Variants in NOPCHAP1 observed in about 807,000 individuals in gnomAD.
NOPCHAP1 encodes DNA damage-sensitive RNA 1.
A neutral mutation model predicts 14.0 loss-of-function variants in NOPCHAP1; 13 were observed. That is an observed-to-expected ratio of 0.93 (90% confidence interval 0.60 to 1.47). NOPCHAP1 has a LOEUF of 1.47. NOPCHAP1 is among the 40% of genes most tolerant of loss of function. The probability of loss-of-function intolerance (pLI) is 0.00; values close to 1 mark genes in which losing one functional copy is unlikely to be tolerated. For missense variants in NOPCHAP1, 230 were observed against 226.9 expected, an observed-to-expected ratio of 1.01 and a Z score of -0.09; for synonymous variants, 78 against 78.4, an observed-to-expected ratio of 1.00 and a Z score of 0.03.
In NOPCHAP1 at chr12:105,012,632, C is replaced by T. The variant is rs1368017550; in HGVS notation, c.*17936C>T. The T allele has an allele frequency of 6.6e-6, 1 of 152,198 alleles. No individual in the cohort carries two copies. The highest frequency in any genetic ancestry group is 2.4e-5 in the African/African-American group (1 of 41,428). 9.4% of individuals were successfully genotyped at this position (152,198 alleles called of 1,614,324 possible). On this transcript the variant is annotated 3_prime_UTR_variant, in exon 4 of 4. Coordinates refer to ENST00000552951, the MANE Select transcript of NOPCHAP1 (RefSeq NM_152318.3). The stretch of plus-strand genomic sequence containing the variant: ...TTCCTCATCTTCCTGGATTTACCTA[C>T]CTTTGCTCTTTTATGTTGGTAACCT...
chr12:104,994,056 T>C (rs1422563378), intron 3 of NOPCHAP1, among the ~76,000 whole-genome samples: 2 of 152,212 alleles, frequency 1.3e-5, no homozygotes, highest in East Asian at 3.8e-4. Flanking sequence ...ACATTTCTTA[T>C]CCTTGTGGCC....
rs1480476275 is a variant in NOPCHAP1 at position 104,997,916 on chromosome 12, TA to T, written c.*3223del. The T allele has an allele frequency of 1.3e-5, 2 of 152,224 alleles. No individual in the cohort carries two copies. The highest frequency in any genetic ancestry group is 2.9e-5 in the Non-Finnish European group (2 of 68,040). The allele number at this position is 152,224 out of a possible 1,614,324, so 9.4% of individuals were successfully genotyped here. A position where few individuals can be genotyped will look rare whatever the true frequency, so the allele number is the denominator to read the frequency against. ...ATTCTTTATTGTTTTTTTTCTCCAA[TA>T]AAGAAAAAGATGTTTCAGAGAGCCA... is the stretch of plus-strand genomic sequence containing the variant. On this transcript the variant is annotated 3_prime_UTR_variant, in exon 4 of 4. Coordinates refer to ENST00000552951, the MANE Select transcript of NOPCHAP1 (RefSeq NM_152318.3).
chr12:104,988,338 A>C (rs1873292572), intron 2 of NOPCHAP1, 85 bp downstream of exon 2: 1 of 1,089,956 alleles, frequency 9.2e-7, no homozygotes, highest in Non-Finnish European at 1.4e-6. Context: ...CTTCATTGTC[A>C]GGTATCAAAC....
intron 3 of NOPCHAP1, 128 bp from the exon 4 acceptor site, chr12:104,994,350 A>T: frequency 1.0e-6 from 1 of 957,610 alleles, no homozygotes; most frequent in Non-Finnish European, 1.6e-6. Context: ...CTGTCTCCAA[A>T]AAAAACCAAA....
intron 1 of NOPCHAP1, among the ~76,000 whole-genome samples, chr12:104,987,196 G>C (rs1356880903): frequency 6.6e-6 from 1 of 152,188 alleles, no homozygotes; most frequent in Non-Finnish European, 1.5e-5. Flanking sequence ...CAGAGATTCC[G>C]AAGGAAGTAT....
intron 1 of NOPCHAP1, among the ~76,000 whole-genome samples, chr12:104,987,112 G>C (rs1873257444): frequency 6.6e-6 from 1 of 151,068 alleles, no homozygotes; most frequent in Non-Finnish European, 1.5e-5. Flanking sequence ...ATTTTTGTGA[G>C]GAGGAGAATG....
intron 2 of NOPCHAP1, 58 bp downstream of exon 2, chr12:104,988,311 T>A: frequency 4.4e-6 from 6 of 1,355,498 alleles, no homozygotes; most frequent in Non-Finnish European, 6.2e-6. Flanking sequence ...CTGATTAAGC[T>A]GTGGGACGGT....
In NOPCHAP1 at chr12:105,016,145, G is replaced by A. The variant is rs1005950398; in HGVS notation, c.*21449G>A. The A allele has an allele frequency of 6.6e-6, 1 of 152,032 alleles. No individual in the cohort carries two copies. Among genetic ancestry groups the A allele is most frequent in the Admixed American group, 6.5e-5 (1 of 15,268 alleles). The allele number at this position is 152,032 out of a possible 1,614,324, so 9.4% of individuals were successfully genotyped here. On this transcript the variant is annotated 3_prime_UTR_variant, in exon 4 of 4. Coordinates refer to ENST00000552951, the MANE Select transcript of NOPCHAP1 (RefSeq NM_152318.3). Reference sequence around the variant, plus strand: ...GAAAATATCTGAAACATGACAGAGTGTCATTAATATATCATGGGCTTTTAC... The same window carrying A: ...GAAAATATCTGAAACATGACAGAGTATCATTAATATATCATGGGCTTTTAC...
rs1004919977 is a variant in NOPCHAP1 at position 105,008,664 on chromosome 12, G to A, written c.*13968G>A. 5.9e-5 allele frequency: 9 copies of A among 152,160 alleles called. No homozygotes were observed. The highest frequency in any genetic ancestry group is 1.3e-4 in the Admixed American group (2 of 15,270). 9.4% of individuals were successfully genotyped at this position (152,160 alleles called of 1,614,324 possible). ...CATCGTGAGTTAATTTTTGTATAAG[G>A]TGTAAGAAAGGGGTCCAGTTTCAGT... On this transcript the variant is annotated 3_prime_UTR_variant, in exon 4 of 4. Transcript: ENST00000552951.
intron 3 of NOPCHAP1, among the ~76,000 whole-genome samples, chr12:104,992,553 A>G (rs1379176179): frequency 2.0e-5 from 3 of 152,104 alleles, no homozygotes; most frequent in African/African-American, 7.2e-5. Flanking sequence ...AAGTCCTTCA[A>G]AGGGTCCATA....
rs1295634789 is a variant in NOPCHAP1, at chr12:105,002,975, TAGACTC to T, written c.*8283_*8288del. Reference sequence around the variant, plus strand: ...AAGAGTAGTTGAGCAAAAAGGTTATTAGACTCAGAGTATTGAGGTAAAGATGGGTAA... The same window carrying T: ...AAGAGTAGTTGAGCAAAAAGGTTATTAGAGTATTGAGGTAAAGATGGGTAA... On this transcript the variant is annotated 3_prime_UTR_variant, in exon 4 of 4. Coordinates refer to ENST00000552951, the MANE Select transcript of NOPCHAP1 (RefSeq NM_152318.3). The T allele has an allele frequency of 6.6e-6, 1 of 152,350 alleles. No homozygotes were observed. The highest frequency in any genetic ancestry group is 2.4e-5 in the African/African-American group (1 of 41,578). 9.4% of individuals were successfully genotyped at this position (152,350 alleles called of 1,614,324 possible).
intron 2 of NOPCHAP1, among the ~76,000 whole-genome samples, chr12:104,990,004 A>G (rs1231887108): frequency 6.6e-6 from 1 of 152,124 alleles, no homozygotes; most frequent in Non-Finnish European, 1.5e-5. Context: ...TGAACATACA[A>G]AGTATATTTC....
chr12:105,013,383 A>G lies in NOPCHAP1; in HGVS notation c.*18687A>G, dbSNP rs1460199620. 6.6e-6 allele frequency: 1 copy of G among 152,246 alleles called. No homozygotes were observed. The highest frequency in any genetic ancestry group is 1.5e-5 in the Non-Finnish European group (1 of 68,072). The allele number at this position is 152,246 out of a possible 1,614,324, so 9.4% of individuals were successfully genotyped here. A position where few individuals can be genotyped will look rare whatever the true frequency, so the allele number is the denominator to read the frequency against. On this transcript the variant is annotated 3_prime_UTR_variant, in exon 4 of 4. Transcript: ENST00000552951. The stretch of plus-strand genomic sequence containing the variant: ...TTCAGACTGCTGTGCTGGCAGTGAG[A>G]ATTTCAAGCCAGTGGATCTTAGCTT...
At position 105,017,168 on chromosome 12, in the gene NOPCHAP1, T is replaced by C. The variant is rs1394295215; in HGVS notation, c.*22472T>C. ...TTTTAAAAACTGCCTAGCAGGATAG[T>C]TTGTGTTACTCTGCCTGTATCCATG... On this transcript the variant is annotated 3_prime_UTR_variant, in exon 4 of 4. Coordinates refer to ENST00000552951, the MANE Select transcript of NOPCHAP1 (RefSeq NM_152318.3). The C allele has an allele frequency of 6.6e-6, 1 of 152,054 alleles. No individual in the cohort carries two copies. The highest frequency in any genetic ancestry group is 1.5e-5 in the Non-Finnish European group (1 of 67,982). 9.4% of individuals were successfully genotyped at this position (152,054 alleles called of 1,614,324 possible). A position where few individuals can be genotyped will look rare whatever the true frequency, so the allele number is the denominator to read the frequency against.
In NOPCHAP1 at chr12:105,016,737, A is replaced by G. The variant is rs1174504234; in HGVS notation, c.*22041A>G. Reference sequence around the variant, plus strand: ...TACCTCCCACCAGGTCCCTCCTACAACACGTGAGAATTATGGGAGCTACAA... The same window carrying G: ...TACCTCCCACCAGGTCCCTCCTACAGCACGTGAGAATTATGGGAGCTACAA... On this transcript the variant is annotated 3_prime_UTR_variant, in exon 4 of 4. Transcript: ENST00000552951. The G allele has an allele frequency of 6.6e-6, 1 of 152,136 alleles. No homozygotes were observed. The highest frequency in any genetic ancestry group is 1.5e-5 in the Non-Finnish European group (1 of 68,028). 9.4% of individuals were successfully genotyped at this position (152,136 alleles called of 1,614,324 possible).
chr12:105,012,328 A>T lies in NOPCHAP1; in HGVS notation c.*17632A>T, dbSNP rs1479282924. On this transcript the variant is annotated 3_prime_UTR_variant, in exon 4 of 4. Coordinates refer to ENST00000552951, the MANE Select transcript of NOPCHAP1 (RefSeq NM_152318.3). ...ACGAAGTTCTTGGGCTGTGTTTTTC[A>T]GCTCCATCAGGTCATTTATGTTCTT... 6.6e-6 allele frequency: 1 copy of T among 152,086 alleles called. No individual in the cohort carries two copies. The highest frequency in any genetic ancestry group is 1.5e-5 in the Non-Finnish European group (1 of 68,028). The allele number at this position is 152,086 out of a possible 1,614,324, so 9.4% of individuals were successfully genotyped here. A position where few individuals can be genotyped will look rare whatever the true frequency, so the allele number is the denominator to read the frequency against.
At position 105,014,503 on chromosome 12, in the gene NOPCHAP1, C is replaced by G. The variant is rs1873907047; in HGVS notation, c.*19807C>G. 1 of 152,114 alleles carries G rather than the reference C, an allele frequency of 6.6e-6. No homozygotes were observed. Among genetic ancestry groups the G allele is most frequent in the South Asian group, 2.1e-4 (1 of 4,828 alleles). 9.4% of individuals were successfully genotyped at this position (152,114 alleles called of 1,614,324 possible). A position where few individuals can be genotyped will look rare whatever the true frequency, so the allele number is the denominator to read the frequency against. On this transcript the variant is annotated 3_prime_UTR_variant, in exon 4 of 4. Transcript: ENST00000552951. Reference sequence around the variant, plus strand: ...TCAAATCTGTGTTGTTCAAGTGTCACCTGTATTTAGCTATTCTCAAACATA... The same window carrying G: ...TCAAATCTGTGTTGTTCAAGTGTCAGCTGTATTTAGCTATTCTCAAACATA...
In NOPCHAP1 at chr12:105,001,250, T is replaced by C. The variant is rs1229919128; in HGVS notation, c.*6554T>C. 1 of 152,190 alleles carries C rather than the reference T, an allele frequency of 6.6e-6. No individual in the cohort carries two copies. Among genetic ancestry groups the C allele is most frequent in the Non-Finnish European group, 1.5e-5 (1 of 68,030 alleles). 9.4% of individuals were successfully genotyped at this position (152,190 alleles called of 1,614,324 possible). A position where few individuals can be genotyped will look rare whatever the true frequency, so the allele number is the denominator to read the frequency against. Reference sequence around the variant, plus strand: ...CTTATTGTCATAGCATTGGCCTTCCTACATGATAAAGCTTCTATCCGTCTA... The same window carrying C: ...CTTATTGTCATAGCATTGGCCTTCCCACATGATAAAGCTTCTATCCGTCTA... On this transcript the variant is annotated 3_prime_UTR_variant, in exon 4 of 4. Coordinates refer to ENST00000552951, the MANE Select transcript of NOPCHAP1 (RefSeq NM_152318.3).
chr12:104,992,490 G>A (rs888020942), intron 3 of NOPCHAP1, among the ~76,000 whole-genome samples: 27 of 152,120 alleles, frequency 1.8e-4, no homozygotes, highest in Admixed American at 6.5e-4. Flanking sequence ...CCTGGGGTCC[G>A]TTGTTCACAC....
Sources: gnomAD v4.1 joint callset for allele counts (sites outside exome capture counted in the v4.1 genomes callset) on GRCh38, gnomAD v4.1.1 for gene constraint, MANE v1.5 for transcripts, NCBI Gene and HGNC (gene_info 2026-07-23, HGNC 2026-07-21) for gene names.